Variants in PKD1 observed in about 807,000 individuals in gnomAD.
PKD1 encodes the protein polycystin-1.
In PKD1, 81 loss-of-function variants were observed where a neutral mutation model predicts 361.7. The ratio of observed to expected loss-of-function variants is 0.22; its 90% CI spans 0.19 to 0.27. The LOEUF (loss-of-function observed/expected upper bound fraction) is 0.27. Ranked by LOEUF, PKD1 falls within the 10% of genes least tolerant of loss-of-function variation. PKD1 has a pLI of 1.00. For synonymous variants in PKD1, 3,615 were observed against 2,818.3 expected, an observed-to-expected ratio of 1.28 and a Z score of -8.95; for missense variants, 6,399 against 6,118.3, an observed-to-expected ratio of 1.05 and a Z score of -1.53.
chr16:2,101,089 C>T (rs911370970), intron 26 of PKD1, among the ~76,000 whole-genome samples: 12 of 152,032 alleles, frequency 7.9e-5, no homozygotes, highest in African/African-American at 2.9e-4. Flanking sequence ...GGGTTCACGC[C>T]ATTCTCCTGC....
At position 2,111,755 on chromosome 16, in the gene PKD1, G is replaced by C; in HGVS notation, c.3412C>G (p.Leu1138Val). 1 of 1,603,710 alleles carries C rather than the reference G, an allele frequency of 6.2e-7. No homozygotes were observed. The highest frequency in any genetic ancestry group is 8.5e-7 in the Non-Finnish European group (1 of 1,176,668). The change falls in exon 15 of 46, where the codon CTG (leucine) becomes GTG (valine). Residue 1138 changes from leucine (L) to valine (V), a missense_variant. Leu to Val is a conservative substitution (Grantham distance 32). Transcript: ENST00000262304. ...AAGGTGACGGGCCGGCCGGCCACCA[G>C]GACGCCGTCACTCACACCCACAGCC... Reference protein sequence around the residue: ...SVAVGVSDGVLVAGRPVTFYP... With the variant: ...SVAVGVSDGVVVAGRPVTFYP...
At chr16:2,092,025 C>T in intron 40 of PKD1, 22 bp downstream of exon 40, 1 of 1,612,602 alleles carries the variant, frequency 6.2e-7, no homozygotes, top group Non-Finnish European at 8.5e-7. Flanking sequence ...GCGTAGACGC[C>T]CGGGGCCCTC....
intron 30 of PKD1, chr16:2,099,417 T>C (rs1415379191): frequency 3.2e-6 from 2 of 628,686 alleles, no homozygotes; most frequent in African/African-American, 3.6e-5. Flanking sequence ...GTCCGTGGCG[T>C]CTGCTTAGCA....
rs374609310 is a variant in PKD1 at position 2,091,558 on chromosome 16, C to A, written c.11577G>T (p.Pro3859=). The A allele has an allele frequency of 6.4e-4, 985 of 1,533,076 alleles. 14 individuals carry two copies. The South Asian group carries it at 0.011, about 17-fold the overall frequency. The allele number at this position is 1,533,076 out of a possible 1,614,324, so 95.0% of individuals were successfully genotyped here. The change falls in exon 42 of 46, where the codon CCG becomes CCT. Residue 3859 remains proline (P), a synonymous_variant. Transcript: ENST00000262304. The part of the protein sequence containing the change: ...AVFLELTRYS[P]AVGLHAAVTL... ...TGACGGCGGCGTGCAGCCCCACGGC[C>A]GGGCTGTAGCGCGTGAGCTCCAGGA...
Position 2,091,148 on chromosome 16 carries a change from G to C in PKD1, c.11739C>G (p.His3913Gln). The C allele has an allele frequency of 6.8e-7, 1 of 1,478,836 alleles. No homozygotes were observed. Among genetic ancestry groups the C allele is most frequent in the Non-Finnish European group, 8.9e-7 (1 of 1,123,054 alleles). 91.6% of individuals were successfully genotyped at this position (1,478,836 alleles called of 1,614,324 possible). ...AAGTACGGGCCTCGGCCACGGCGAA[G>C]TGCACGGCGAACAGCAGCAGGCACA... The part of the protein sequence containing the change: ...TSVCLLLFAV[H>Q]FAVAEARTWH... Residue 3913 changes from histidine to glutamine, a missense_variant, in exon 43 of 46, where the codon CAC becomes CAG. Transcript: ENST00000262304.
intron 6 of PKD1, 43 bp downstream of exon 6, chr16:2,117,446 A>G: frequency 7.4e-7 from 1 of 1,342,986 alleles, no homozygotes; most frequent in South Asian, 1.3e-5. Context: ...AGTGCTTCAG[A>G]GATCTCCCAA....
In PKD1 at chr16:2,103,839, C is replaced by T; in HGVS notation, c.8218G>A (p.Gly2740Arg). ...DVRAPQPSEL[G>R]AESPSRMVAS... Reference sequence around the variant, plus strand: ...ACCATCCGAGATGGTGACTCGGCTCCCAGCTCTGAGGGCTGTGGTGCCCGC... The same window carrying T: ...ACCATCCGAGATGGTGACTCGGCTCTCAGCTCTGAGGGCTGTGGTGCCCGC... Residue 2740 changes from glycine to arginine, a missense_variant, in exon 23 of 46, where the codon GGA becomes AGA. Gly to Arg is a moderately radical substitution (Grantham distance 125). Transcript: ENST00000262304. 1 of 1,607,348 alleles carries T rather than the reference C, an allele frequency of 6.2e-7. No homozygotes were observed. Among genetic ancestry groups the T allele is most frequent in the South Asian group, 1.1e-5 (1 of 90,722 alleles).
At chr16:2,116,480 T>C in intron 8 of PKD1, 49 bp downstream of exon 8, 6 of 1,081,838 alleles carry the variant, frequency 5.5e-6, no homozygotes, top group Admixed American at 2.0e-5. Context: ...AGGCAAGGCC[T>C]CCAGGGGCAG....
chr16:2,106,017 C>G lies in PKD1; in HGVS notation c.7711G>C (p.Ala2571Pro), dbSNP rs749853995. 42 of 1,606,056 alleles carry G rather than the reference C, an allele frequency of 2.6e-5. No individual in the cohort carries two copies. The African/African-American group carries it at 5.6e-4, about 22-fold the overall frequency. ...CCGTTGGGCTCTGGGAGGGTGATGG[C>G]CAAAGACCTACGAGCAGAGGGGGGT... The part of the protein sequence containing the change: ...AAVVALNRSL[A>P]ITLPEPNGSA... Residue 2571 changes from alanine (A) to proline (P), a missense_variant, in exon 20 of 46, where the codon GCC (alanine) becomes CCC (proline). Ala to Pro is a conservative substitution (Grantham distance 27). Coordinates refer to ENST00000262304, the MANE Select transcript of PKD1 (RefSeq NM_001009944.3). The surrounding 1 kb of genome is among the most constrained non-coding windows in gnomAD (Gnocchi z 6.5).
At position 2,090,015 on chromosome 16, in the gene PKD1, A is replaced by C; in HGVS notation, c.12624T>G (p.Cys4208Trp). The C allele has an allele frequency of 1.2e-6, 2 of 1,610,136 alleles. No homozygotes were observed. The highest frequency in any genetic ancestry group is 1.7e-6 in the Non-Finnish European group (2 of 1,178,974). ...SVSLGRLGTR[C>W]EPEPSRLQAV... ...CTTGGAGGCGGGAGGGCTCAGGCTC[A>C]CACCTTGTCCCCAGCCGGCCCAGGC... Residue 4208 changes from cysteine (C) to tryptophan (W), a missense_variant, in exon 46 of 46, where the codon TGT becomes TGG. Coordinates refer to ENST00000262304, the MANE Select transcript of PKD1 (RefSeq NM_001009944.3).
intron 14 of PKD1, 55 bp from the exon 15 acceptor site, chr16:2,111,926 C>A (rs1190880340): frequency 1.8e-5 from 29 of 1,593,674 alleles, no homozygotes; most frequent in Non-Finnish European, 2.4e-5. Flanking sequence ...GCTCCCCACC[C>A]GCTCGGCAGA....
rs1321307558 is a variant in PKD1 at position 2,135,483 on chromosome 16, G to A, written c.207C>T (p.Ala69=). 1 of 1,167,270 alleles carries A rather than the reference G, an allele frequency of 8.6e-7. No homozygotes were observed. The highest frequency in any genetic ancestry group is 1.6e-5 in the African/African-American group (1 of 62,078). The allele number at this position is 1,167,270 out of a possible 1,614,324, so 72.3% of individuals were successfully genotyped here. ...CTGGGCCCGCTACTCACAGCGCTGTGGCGTCCGCGGGGATGCGCAGCGCGG... is the reference window on the plus strand; with the variant it reads ...CTGGGCCCGCTACTCACAGCGCTGTAGCGTCCGCGGGGATGCGCAGCGCGG... ...LGPALRIPAD[A]TALDVSHNLL... The change falls in exon 1 of 46, where the codon GCC becomes GCT. Residue 69 remains alanine (A), a synonymous_variant. Transcript: ENST00000262304.
chr16:2,092,216 G>C, intron 39 of PKD1, 28 bp from the exon 40 acceptor site: 2 of 1,561,826 alleles, frequency 1.3e-6, no homozygotes, highest in African/African-American at 2.7e-5. Flanking sequence ...CCAGGCCGGG[G>C]CCAGGGCCTC....
chr16:2,106,669 A>G lies in PKD1; in HGVS notation c.7218T>C (p.Ala2406=), dbSNP rs1261463602. The G allele has an allele frequency of 3.1e-6, 5 of 1,595,678 alleles. No individual in the cohort carries two copies. Among genetic ancestry groups the G allele is most frequent in the East Asian group, 2.2e-5 (1 of 44,830 alleles). ...CSSGSKRGRW[A]ARTFSNKTLV... ...GCGTCTTGTTGCTGAACGTACGTGC[A>G]GCCCACCGCTGCAGGCAGAAGGGGT... Residue 2406 remains alanine (A), a synonymous_variant, in exon 18 of 46, where the codon GCT becomes GCC. Coordinates refer to ENST00000262304, the MANE Select transcript of PKD1 (RefSeq NM_001009944.3). The surrounding 1 kb of genome is among the most constrained non-coding windows in gnomAD (Gnocchi z 6.5).
At position 2,109,236 on chromosome 16, in the gene PKD1, G is replaced by C; in HGVS notation, c.5931C>G (p.Pro1977=). The C allele has an allele frequency of 6.3e-7, 1 of 1,589,882 alleles. No individual in the cohort carries two copies. Among genetic ancestry groups the C allele is most frequent in the South Asian group, 1.1e-5 (1 of 90,336 alleles). Residue 1977 remains proline, a synonymous_variant, in exon 15 of 46, where the codon CCC becomes CCG. Coordinates refer to ENST00000262304, the MANE Select transcript of PKD1 (RefSeq NM_001009944.3). ...TGGCGATGCCAGGCTCGCAGCAGTT[G>C]GGCACCTGCAGCCCACTCACGGCCT... The part of the protein sequence containing the change: ...VLEAVSGLQV[P]NCCEPGIATG...
rs1310166720 is a variant in PKD1 at position 2,117,783 on chromosome 16, A to C, written c.1201+8T>G. 1.9e-6 allele frequency: 2 copies of C among 1,057,654 alleles called. No individual in the cohort carries two copies. Among genetic ancestry groups the C allele is most frequent in the African/African-American group, 3.2e-5 (2 of 63,366 alleles). The allele number at this position is 1,057,654 out of a possible 1,614,324, so 65.5% of individuals were successfully genotyped here. On this transcript the variant is annotated splice_region_variant and intron_variant, in intron 5 of 45. Transcript: ENST00000262304. The stretch of plus-strand genomic sequence containing the variant: ...GGGGAGGAAGGGGAGTGGGCAGCAG[A>C]CACTCACCTCGGGCCGGCTCCTCGC...
chr16:2,089,401 G>C lies in PKD1; in HGVS notation c.*326C>G. On this transcript the variant is annotated 3_prime_UTR_variant, in exon 46 of 46. Transcript: ENST00000262304. The stretch of plus-strand genomic sequence containing the variant: ...CTCCCTGAAGCCAGCAGCCTTAGCA[G>C]TGGGGGACATCTGCCCAGGGGGTGG... 1 of 445,874 alleles carries C rather than the reference G, an allele frequency of 2.2e-6. No homozygotes were observed. The highest frequency in any genetic ancestry group is 4.1e-6 in the Non-Finnish European group (1 of 244,552). 27.6% of individuals were successfully genotyped at this position (445,874 alleles called of 1,614,324 possible). A position where few individuals can be genotyped will look rare whatever the true frequency, so the allele number is the denominator to read the frequency against.
Position 2,093,836 on chromosome 16 carries a change from G to A in PKD1, c.10796C>T (p.Ser3599Leu). 6.4e-7 allele frequency: 1 copy of A among 1,562,250 alleles called. No homozygotes were observed. Among genetic ancestry groups the A allele is most frequent in the Non-Finnish European group, 8.6e-7 (1 of 1,159,360 alleles). Residue 3599 changes from serine to leucine, a missense_variant, in exon 36 of 46, where the codon TCA (serine) becomes TTA (leucine). By Grantham distance (145) the Ser-to-Leu change is moderately radical (BLOSUM62 -2). Transcript: ENST00000262304. ...LLSSSASFLA[S>L]FLGWEPLKVL... ...CTTCAGTGGCTCCCAGCCGAGGAAT[G>A]AGGCCAGGAAGCTGGCGCTGCTGGA...
chr16:2,101,613 G>C (rs142605661), intron 26 of PKD1, among the ~76,000 whole-genome samples: 2 of 152,176 alleles, frequency 1.3e-5, no homozygotes, highest in South Asian at 4.1e-4. Context: ...GTGAGACTCC[G>C]TCTCTAAAAA....
Sources: gnomAD v4.1 joint callset for allele counts (sites outside exome capture counted in the v4.1 genomes callset) on GRCh38, gnomAD v4.1.1 for gene constraint, Gnocchi (gnomAD v3.1) non-coding constraint, MANE v1.5 for transcripts, NCBI Gene and HGNC (gene_info 2026-07-23, HGNC 2026-07-21) for gene names.